The following MAP3K20 variants were observed in gnomAD, a reference collection of about 807,000 sequenced individuals.
The protein encoded by MAP3K20 is mitogen-activated protein kinase kinase kinase 20, also known as HCCS-4.
In MAP3K20, 40 loss-of-function variants were observed where a neutral mutation model predicts 85.7. The observed-to-expected ratio is 0.47, with a 90% CI of 0.36 to 0.61. The LOEUF is 0.61. Ranked by LOEUF, MAP3K20 falls within the 20% of genes least tolerant of loss-of-function variation. MAP3K20 has a pLI of 0.00. For synonymous variants in MAP3K20, 325 were observed against 327.7 expected, an observed-to-expected ratio of 0.99 and a Z score of 0.09; for missense variants, 817 against 961.7, an observed-to-expected ratio of 0.85 and a Z score of 1.99.
intron 2 of MAP3K20, among the ~76,000 whole-genome samples, chr2:173,149,888 G>A (rs1689251962): frequency 6.6e-6 from 1 of 152,188 alleles, no homozygotes; most frequent in Non-Finnish European, 1.5e-5. Flanking sequence ...TTTGAATGGA[G>A]AATACAGTAC....
At chr2:173,127,864 C>T (rs1166094003) in intron 2 of MAP3K20, among the ~76,000 whole-genome samples, 1 of 152,126 alleles carries the variant, frequency 6.6e-6, no homozygotes, top group Non-Finnish European at 1.5e-5. Flanking sequence ...GCCCTGTGTG[C>T]ATAGGTAACA....
chr2:173,243,813 C>T (rs960647066), intron 16 of MAP3K20, among the ~76,000 whole-genome samples: 3 of 152,156 alleles, frequency 2.0e-5, no homozygotes, highest in South Asian at 2.1e-4. Flanking sequence ...TTAGTAGAGA[C>T]GGGGTTTCAC....
At chr2:173,188,547 A>T (rs998733023) in intron 5 of MAP3K20, among the ~76,000 whole-genome samples, 2 of 151,850 alleles carry the variant, frequency 1.3e-5, no homozygotes, top group African/African-American at 4.8e-5. Context: ...GAACCAGGGA[A>T]TGAATCGATC....
Position 173,266,792 on chromosome 2 carries a change from A to AG in MAP3K20, c.*42_*43insG, listed in dbSNP as rs1685436866. The AG allele has an allele frequency of 1.5e-6, 2 of 1,367,380 alleles. No homozygotes were observed. Among genetic ancestry groups the AG allele is most frequent in the Non-Finnish European group, 1.9e-6 (2 of 1,043,514 alleles). 84.7% of individuals were successfully genotyped at this position (1,367,380 alleles called of 1,614,324 possible). ...GCTTTTCTAAGCAGGTTAAAAAAAA[A>AG]AAAAAAAAGAAATGTAATGGTTTTT... On this transcript the variant is annotated 3_prime_UTR_variant, in exon 20 of 20. Coordinates refer to ENST00000375213, the MANE Select transcript of MAP3K20 (RefSeq NM_016653.3).
At chr2:173,122,360 T>C (rs898511244) in intron 2 of MAP3K20, among the ~76,000 whole-genome samples, 1 of 152,222 alleles carries the variant, frequency 6.6e-6, no homozygotes, top group African/African-American at 2.4e-5. Flanking sequence ...TTTTCTTTCT[T>C]AGTCAACTTG....
intron 7 of MAP3K20, chr2:173,197,675 G>A (rs1470162490): frequency 1.3e-5 from 2 of 153,966 alleles, no homozygotes; most frequent in African/African-American, 2.4e-5. Context: ...GAAATTGAAG[G>A]TAGAACGAGT....
At chr2:173,090,609 C>T (rs1687265915) in intron 1 of MAP3K20, 2 of 991,244 alleles carry the variant, frequency 2.0e-6, no homozygotes, top group Non-Finnish European at 2.4e-6. Flanking sequence ...CCTCAGATGC[C>T]AGGGGAGCTA....
Position 173,266,700 on chromosome 2 carries a change from A to C in MAP3K20, c.2353A>C (p.Thr785Pro). ...GCCCCACAGGCCATCTCCCGCCAAA[A>C]CCAATAAAGAGAGAGCCAGAGGGGA... Reference protein sequence around the residue: ...KKPHRPSPAKTNKERARGDHR... With the variant: ...KKPHRPSPAKPNKERARGDHR... The change falls in exon 20 of 20, where the codon ACC becomes CCC. Residue 785 changes from threonine to proline, a missense_variant. Physicochemically the swap from Thr to Pro is conservative, Grantham distance 38 (BLOSUM62 -1). This residue lies in a region of MAP3K20 where 454 missense variants were observed against 476.9 expected (regional missense o/e 0.95). Transcript: ENST00000375213. The C allele has an allele frequency of 6.3e-7, 1 of 1,591,746 alleles. No homozygotes were observed. The highest frequency in any genetic ancestry group is 8.6e-7 in the Non-Finnish European group (1 of 1,169,138).
chr2:173,184,382 C>A (rs1470350155), intron 4 of MAP3K20, among the ~76,000 whole-genome samples: 1 of 152,194 alleles, frequency 6.6e-6, no homozygotes, highest in Non-Finnish European at 1.5e-5. Flanking sequence ...AATAGATAGA[C>A]AGCAAACAAA....
Position 173,262,777 on chromosome 2 carries a change from G to A in MAP3K20, c.1552-968G>A, listed in dbSNP as rs547813339. On this transcript the variant is annotated intron_variant, in intron 18 of 19. Coordinates refer to ENST00000375213, the MANE Select transcript of MAP3K20 (RefSeq NM_016653.3). The stretch of plus-strand genomic sequence containing the variant: ...CTTGTCAAAGCATTGCTTGCAAGGT[G>A]CAAAACCCAAACAAAAGAGGCTGGT... Among the ~76,000 whole-genome samples, 5 of 152,264 alleles carry A rather than the reference G, an allele frequency of 3.3e-5. No homozygotes were observed. In the East Asian group the frequency reaches 9.7e-4, roughly 29 times the overall value.
At position 173,181,854 on chromosome 2, in the gene MAP3K20, C is replaced by A. The variant is rs180812586; in HGVS notation, c.248-1000C>A. On this transcript the variant is annotated intron_variant, in intron 3 of 19. Coordinates refer to ENST00000375213, the MANE Select transcript of MAP3K20 (RefSeq NM_016653.3). Reference sequence around the variant, plus strand: ...GCTTGAGCTCAGGAGTTTGAGATTACCCTAAGCAACACAGCAAGACCTCAT... The same window carrying A: ...GCTTGAGCTCAGGAGTTTGAGATTAACCTAAGCAACACAGCAAGACCTCAT... Among the ~76,000 whole-genome samples the A allele has an allele frequency of 2.6e-3, 381 of 147,806 alleles. 3 individuals are homozygous for A. The highest frequency in any genetic ancestry group is 9.2e-3 in the African/African-American group (367 of 39,832).
chr2:173,118,371 A>G (rs766510631), intron 2 of MAP3K20, among the ~76,000 whole-genome samples: 1 of 152,224 alleles, frequency 6.6e-6, no homozygotes, highest in Non-Finnish European at 1.5e-5. Context: ...TTTTGAAATT[A>G]TTTCTAGATT....
At chr2:173,236,257 G>C (rs941005416) in intron 14 of MAP3K20, among the ~76,000 whole-genome samples, 1 of 101,496 alleles carries the variant, frequency 9.9e-6, no homozygotes, top group Non-Finnish European at 1.8e-5. Flanking sequence ...AATAGAGTGA[G>C]ACCCTGTCTA....
chr2:173,128,141 A>G lies in MAP3K20; in HGVS notation c.159+36951A>G, dbSNP rs192263704. ...GAAAATTCTTGAAATGATTTCAATAATTTATTTTCCTCTGACACAAGGTTC... is the reference window on the plus strand; with the variant it reads ...GAAAATTCTTGAAATGATTTCAATAGTTTATTTTCCTCTGACACAAGGTTC... On this transcript the variant is annotated intron_variant, in intron 2 of 19. Transcript: ENST00000375213. 4.6e-5 allele frequency among the ~76,000 whole-genome samples: 7 copies of G among 152,198 alleles called. No individual in the cohort carries two copies. In the East Asian group the frequency reaches 1.4e-3, roughly 29 times the overall value.
chr2:173,180,701 A>T (rs1469300430), intron 3 of MAP3K20, among the ~76,000 whole-genome samples: 1 of 152,160 alleles, frequency 6.6e-6, no homozygotes, highest in Non-Finnish European at 1.5e-5. Context: ...TGCCAAAAAA[A>T]AAAATTAGAG....
intron 9 of MAP3K20, among the ~76,000 whole-genome samples, chr2:173,205,119 A>ACC (rs778277946): frequency 7.2e-6 from 1 of 139,552 alleles, no homozygotes; most frequent in Admixed American, 7.1e-5. Context: ...AAAAAAAAAA[A>ACC]AAATAAATAA....
Position 173,266,948 on chromosome 2 carries a change from A to G in MAP3K20, c.*198A>G, listed in dbSNP as rs901630791. ...TATGGATATTGGTCACCCAGTGATCATAACTAGGCTTGAAAATCACTACAC... is the reference window on the plus strand; with the variant it reads ...TATGGATATTGGTCACCCAGTGATCGTAACTAGGCTTGAAAATCACTACAC... On this transcript the variant is annotated 3_prime_UTR_variant, in exon 20 of 20. Transcript: ENST00000375213. The G allele has an allele frequency of 6.9e-6, 3 of 435,696 alleles. No homozygotes were observed. The highest frequency in any genetic ancestry group is 1.2e-5 in the Non-Finnish European group (3 of 252,224). The allele number at this position is 435,696 out of a possible 1,614,324, so 27.0% of individuals were successfully genotyped here.
chr2:173,266,398 G>A lies in MAP3K20; in HGVS notation c.2051G>A (p.Gly684Asp). The part of the protein sequence containing the change: ...SDRSRNKYGR[G>D]SISLNSSPRG... ...AGAAGCAGGAACAAATATGGACGTG[G>A]TAGTATATCACTCAATTCTTCTCCT... The change falls in exon 20 of 20, where the codon GGT becomes GAT. Residue 684 changes from glycine to aspartate, a missense_variant. Transcript: ENST00000375213. 6.2e-7 allele frequency: 1 copy of A among 1,614,162 alleles called. No individual in the cohort carries two copies. Among genetic ancestry groups the A allele is most frequent in the Non-Finnish European group, 8.5e-7 (1 of 1,180,018 alleles).
At chr2:173,237,226 A>G (rs1252017772) in intron 14 of MAP3K20, among the ~76,000 whole-genome samples, 1 of 151,730 alleles carries the variant, frequency 6.6e-6, no homozygotes, top group Non-Finnish European at 1.5e-5. Flanking sequence ...ACAGGGCTTC[A>G]CCATGTTGGT....
Sources: gnomAD v4.1 joint callset for allele counts (sites outside exome capture counted in the v4.1 genomes callset) on GRCh38, gnomAD v4.1.1 for gene constraint, gnomAD v4.1.1 regional missense constraint, MANE v1.5 for transcripts, NCBI Gene and HGNC (gene_info 2026-07-23, HGNC 2026-07-21) for gene names.